The following PAH variants were observed in gnomAD, a reference collection of about 807,000 sequenced individuals.
PAH encodes the protein phenylalanine hydroxylase.
In PAH, 64 loss-of-function variants were observed where a neutral mutation model predicts 62.0. The ratio of observed to expected loss-of-function variants is 1.03; its 90% CI spans 0.84 to 1.27. The LOEUF is 1.27. PAH is among the 50% of genes most tolerant of loss of function. The pLI is 0.00. For missense variants in PAH, 579 were observed against 542.8 expected (o/e 1.07, Z -0.66); for synonymous variants, 195 against 196.2 (o/e 0.99, Z 0.05).
At chr12:102,908,293 G>C (rs2136721549) in intron 2 of PAH, among the ~76,000 whole-genome samples, 1 of 151,062 alleles carries the variant, frequency 6.6e-6, no homozygotes, top group African/African-American at 2.4e-5. Flanking sequence ...TGGTAATTTA[G>C]TTACTTGTCG....
intron 3 of PAH, among the ~76,000 whole-genome samples, chr12:102,884,712 A>T (rs966647544): frequency 7.2e-5 from 11 of 152,144 alleles, no homozygotes; most frequent in South Asian, 6.2e-4. Flanking sequence ...CCCAGAGGCC[A>T]CTAGAGGCCA....
intron 1 of PAH, among the ~76,000 whole-genome samples, chr12:102,941,667 G>T (rs1323712924): frequency 6.6e-6 from 1 of 151,940 alleles, no homozygotes; most frequent in African/African-American, 2.4e-5. Context: ...ATTCTTAGAG[G>T]TCTACAAAAA....
At chr12:102,917,332 C>G (rs1390152836), upstream of PAH, 1 of 614,208 alleles carries the variant, frequency 1.6e-6, no homozygotes, top group African/African-American at 1.8e-5. Flanking sequence ...GGGCAGCCTG[C>G]CGGATGCTCC....
At chr12:102,871,587 A>G (rs1450865182) in intron 4 of PAH, among the ~76,000 whole-genome samples, 1 of 152,148 alleles carries the variant, frequency 6.6e-6, no homozygotes, top group Non-Finnish European at 1.5e-5. Context: ...TTTTCAGGGC[A>G]TAGCACACTC....
intron 2 of PAH, chr12:102,904,639 G>C: frequency 2.9e-6 from 1 of 344,408 alleles, no homozygotes; most frequent in East Asian, 6.8e-5. Context: ...CTGCTCTAAA[G>C]TATAGTCTAG....
chr12:102,889,438 G>C (rs1271057710), intron 3 of PAH, among the ~76,000 whole-genome samples: 1 of 151,744 alleles, frequency 6.6e-6, no homozygotes, highest in Admixed American at 6.6e-5. Flanking sequence ...TAGATAGATA[G>C]ATAGATAGAT....
intron 4 of PAH, among the ~76,000 whole-genome samples, chr12:102,868,036 ACACC>A (rs2136666069): frequency 7.7e-6 from 1 of 130,060 alleles, no homozygotes; most frequent in South Asian, 2.5e-4. Flanking sequence ...ACATGTATAT[ACACC>A]TATATATATG....
chr12:102,885,772 A>G (rs541950064), intron 3 of PAH, among the ~76,000 whole-genome samples: 1 of 152,106 alleles, frequency 6.6e-6, no homozygotes, highest in Non-Finnish European at 1.5e-5. Context: ...GCTGAGTCCA[A>G]TCTTAGCCCC....
At chr12:102,910,587 G>A (rs1878167704) in intron 2 of PAH, among the ~76,000 whole-genome samples, 1 of 152,104 alleles carries the variant, frequency 6.6e-6, no homozygotes, top group Non-Finnish European at 1.5e-5. Context: ...AGCCAGGATG[G>A]TCTCGATCTC....
rs1875203483 is a variant in PAH, at chr12:102,852,562, A to T, written c.842+253T>A. Reference sequence around the variant, plus strand: ...GCTTTGACTTTGGAACTTGATTGGGATCTCTCATTCTCACTGCCAAGGGAG... The same window carrying T: ...GCTTTGACTTTGGAACTTGATTGGGTTCTCTCATTCTCACTGCCAAGGGAG... On this transcript the variant is annotated intron_variant, in intron 7 of 12. Transcript: ENST00000553106. 5.3e-5 allele frequency among the ~76,000 whole-genome samples: 8 copies of T among 152,190 alleles called. No individual in the cohort carries two copies. The South Asian group carries it at 1.7e-3, about 32-fold the overall frequency.
chr12:102,851,740 G>C lies in PAH; in HGVS notation c.859C>G (p.Leu287Val), dbSNP rs781096854. The stretch of plus-strand genomic sequence containing the variant: ...GAAAACAAGGGCACATGTCCCAACA[G>C]CTCATGGCAGATGTCACTGAAAGAC... ...YTPEPDICHE[L>V]LGHVPLFSDR... The change falls in exon 8 of 13, where the codon CTG becomes GTG. Residue 287 changes from leucine (L) to valine (V), a missense_variant. Coordinates refer to ENST00000553106, the MANE Select transcript of PAH (RefSeq NM_000277.3). 3 of 1,614,038 alleles carry C rather than the reference G, an allele frequency of 1.9e-6. No individual in the cohort carries two copies. The highest frequency in any genetic ancestry group is 2.5e-6 in the Non-Finnish European group (3 of 1,179,926).
chr12:102,887,458 T>C (rs1592974597), intron 3 of PAH, among the ~76,000 whole-genome samples: 1 of 152,212 alleles, frequency 6.6e-6, no homozygotes, highest in South Asian at 2.1e-4. Context: ...AATGAGGTGG[T>C]GGCTGCCACC....
chr12:102,840,260 ACC>A, intron 12 of PAH, 138 bp downstream of exon 12: 1 of 664,866 alleles, frequency 1.5e-6, no homozygotes. Context: ...CCATCAATGA[ACC>A]CATGGCTTAC....
upstream of PAH, chr12:102,917,333 C>T (rs1356479942): frequency 4.9e-6 from 3 of 610,448 alleles, no homozygotes; most frequent in Non-Finnish European, 9.0e-6. Context: ...GGCAGCCTGC[C>T]GGATGCTCCA....
At chr12:102,951,060 G>C (rs1397152071), upstream of PAH, among the ~76,000 whole-genome samples, 1 of 65,252 alleles carries the variant, frequency 1.5e-5, no homozygotes, top group East Asian at 2.0e-4. Flanking sequence ...TTTGTGCGTG[G>C]GGGGGGAAGC....
chr12:102,867,558 C>A (rs1191865760), intron 4 of PAH, among the ~76,000 whole-genome samples: 1 of 152,132 alleles, frequency 6.6e-6, no homozygotes, highest in Admixed American at 6.6e-5. Flanking sequence ...GATATCATTT[C>A]CGTAGAACTC....
At chr12:102,934,031 AAG>A (rs1339056071) in intron 1 of PAH, among the ~76,000 whole-genome samples, 2 of 152,042 alleles carry the variant, frequency 1.3e-5, no homozygotes, top group Non-Finnish European at 2.9e-5. Flanking sequence ...CAATGTTCTG[AAG>A]AGTTTCCCCA....
chr12:102,915,466 T>G (rs960536060), intron 1 of PAH, among the ~76,000 whole-genome samples: 2 of 152,196 alleles, frequency 1.3e-5, no homozygotes, highest in African/African-American at 4.8e-5. Context: ...CATAATTCCC[T>G]TTGCTATGGA....
intron 8 of PAH, among the ~76,000 whole-genome samples, chr12:102,850,451 C>G (rs142563500): frequency 6.6e-6 from 1 of 152,250 alleles, no homozygotes; most frequent in East Asian, 1.9e-4. Flanking sequence ...TTTCTGCCAG[C>G]TGAGGGAAAA....
Sources: gnomAD v4.1 joint callset for allele counts (sites outside exome capture counted in the v4.1 genomes callset) on GRCh38, gnomAD v4.1.1 for gene constraint, MANE v1.5 for transcripts, NCBI Gene and HGNC (gene_info 2026-07-23, HGNC 2026-07-21) for gene names.